Variants in EHBP1 observed in about 807,000 individuals in gnomAD.
The protein encoded by EHBP1 is EH domain binding protein 1, also known as EH domain-binding protein 1.
In EHBP1, 55 loss-of-function variants were observed where a neutral mutation model predicts 144.0. That is an observed-to-expected ratio of 0.38 (90% CI 0.31 to 0.48). The LOEUF (loss-of-function observed/expected upper bound fraction) is 0.48, where lower values mean the gene tolerates loss of function less well. EHBP1 is among the 20% of genes least tolerant of loss of function. The pLI, the probability that EHBP1 is intolerant of heterozygous loss-of-function variation, is 0.98. For missense variants in EHBP1, 1,200 were observed against 1,364.2 expected (o/e 0.88, Z 1.90); for synonymous variants, 469 against 472.7 (o/e 0.99, Z 0.10).
In EHBP1 at chr2:62,694,158, T is replaced by C. The variant is rs577836005; in HGVS notation, c.-295-12739T>C. On this transcript the variant is annotated intron_variant, in intron 1 of 22. Transcript: ENST00000405015. ...ACATTAAAGAAATTATTGCAAGTCA[T>C]GGGTATCACTCCTTAAGGGCGTTCT... Among the ~76,000 whole-genome samples, 40 of 152,360 alleles carry C rather than the reference T, an allele frequency of 2.6e-4. 1 individual carries two copies. The South Asian group carries it at 7.7e-3, about 29-fold the overall frequency.
chr2:62,822,455 A>T (rs1467669093), intron 5 of EHBP1, among the ~76,000 whole-genome samples: 8 of 152,192 alleles, frequency 5.3e-5, no homozygotes, highest in Admixed American at 5.2e-4. Flanking sequence ...TATTAGTGTA[A>T]TGAACCAGGT....
chr2:62,680,334 G>A (rs1015061202), intron 1 of EHBP1, among the ~76,000 whole-genome samples: 1 of 152,174 alleles, frequency 6.6e-6, no homozygotes, highest in Non-Finnish European at 1.5e-5. Context: ...TGAATCTAAA[G>A]ATAAGTGAAT....
chr2:62,839,708 A>C (rs1194601954), intron 7 of EHBP1, among the ~76,000 whole-genome samples: 1 of 152,154 alleles, frequency 6.6e-6, no homozygotes, highest in Non-Finnish European at 1.5e-5. Context: ...ACAGACAGAG[A>C]GCCAAATCAT....
At chr2:63,005,813 A>G (rs1482662764) in intron 19 of EHBP1, among the ~76,000 whole-genome samples, 4 of 152,032 alleles carry the variant, frequency 2.6e-5, no homozygotes, top group Admixed American at 6.6e-5. Flanking sequence ...AACAATCACT[A>G]TGTATTAATT....
At chr2:63,040,459 A>T (rs1455415370) in intron 21 of EHBP1, among the ~76,000 whole-genome samples, 3 of 152,160 alleles carry the variant, frequency 2.0e-5, no homozygotes, top group Non-Finnish European at 2.9e-5. Context: ...CCTATATACC[A>T]GATTTACAGT....
intron 10 of EHBP1, among the ~76,000 whole-genome samples, chr2:62,914,475 A>C (rs933529451): frequency 2.0e-5 from 3 of 152,204 alleles, no homozygotes; most frequent in Admixed American, 2.0e-4. Context: ...TCAAATGTTA[A>C]ACTGAATTGA....
At chr2:62,809,118 C>G (rs1179761120) in intron 5 of EHBP1, among the ~76,000 whole-genome samples, 1 of 151,920 alleles carries the variant, frequency 6.6e-6, no homozygotes. Context: ...TGGTGAAACC[C>G]TGTCTCTATT....
At chr2:62,945,664 C>T (rs1040130038) in intron 12 of EHBP1, among the ~76,000 whole-genome samples, 1 of 152,038 alleles carries the variant, frequency 6.6e-6, no homozygotes, top group African/African-American at 2.4e-5. Flanking sequence ...GTGGGAGAAT[C>T]GCTGGAGCCT....
intron 7 of EHBP1, among the ~76,000 whole-genome samples, chr2:62,856,406 A>G (rs1016085875): frequency 1.3e-5 from 2 of 152,152 alleles, no homozygotes; most frequent in African/African-American, 2.4e-5. Context: ...CACCTGGTCT[A>G]CCTGCAGCCT....
At chr2:63,008,622 C>T (rs1243037116) in intron 19 of EHBP1, among the ~76,000 whole-genome samples, 34 of 133,984 alleles carry the variant, frequency 2.5e-4, no homozygotes, top group East Asian at 4.4e-4. Context: ...GTTTTTTTTT[C>T]TTTTTTTTTT....
intron 4 of EHBP1, among the ~76,000 whole-genome samples, chr2:62,768,457 G>A (rs1489271479): frequency 2.0e-5 from 3 of 152,144 alleles, no homozygotes; most frequent in East Asian, 3.8e-4. Context: ...CCTCCCAAGA[G>A]TGAACCAGGA....
At chr2:62,807,256 A>G (rs901571357) in intron 5 of EHBP1, among the ~76,000 whole-genome samples, 1 of 152,236 alleles carries the variant, frequency 6.6e-6, no homozygotes, top group African/African-American at 2.4e-5. Context: ...AGTTAAGAAT[A>G]AGAAAAAATG....
At chr2:62,691,708 C>G (rs2033911573) in intron 1 of EHBP1, among the ~76,000 whole-genome samples, 1 of 152,126 alleles carries the variant, frequency 6.6e-6, no homozygotes, top group South Asian at 2.1e-4. Context: ...TGACTTGTCC[C>G]AGGCTGCAGG....
chr2:62,964,808 T>G (rs957204391), intron 14 of EHBP1, among the ~76,000 whole-genome samples: 14 of 152,232 alleles, frequency 9.2e-5, no homozygotes, highest in African/African-American at 3.4e-4. Flanking sequence ...TCCTTGGCAA[T>G]GTAAACCACA....
At chr2:63,022,299 TTCCTCC>T (rs1037080351) in intron 19 of EHBP1, among the ~76,000 whole-genome samples, 5 of 151,820 alleles carry the variant, frequency 3.3e-5, no homozygotes, top group Non-Finnish European at 5.9e-5. Flanking sequence ...TCTTTCCTCC[TTCCTCC>T]TCCTCCTCCT....
intron 10 of EHBP1, among the ~76,000 whole-genome samples, chr2:62,906,634 A>T (rs2053833165): frequency 6.6e-6 from 1 of 152,320 alleles, no homozygotes; most frequent in East Asian, 1.9e-4. Context: ...ATACAAAGAG[A>T]TCCCATGTGT....
chr2:62,941,168 C>T (rs960216447), intron 10 of EHBP1, among the ~76,000 whole-genome samples: 2 of 152,094 alleles, frequency 1.3e-5, no homozygotes, highest in African/African-American at 4.8e-5. Context: ...TAGTTCAGTG[C>T]TCCCCTAACT....
At position 63,004,414 on chromosome 2, in the gene EHBP1, C is replaced by T. The variant is rs975620375; in HGVS notation, c.3103+7648C>T. ...AAGATAGGGCATATGGGAAGGTCCT[C>T]TTCTCTATCATGATCCTTTTTTCCC... On this transcript the variant is annotated intron_variant, in intron 19 of 22. Coordinates refer to ENST00000431489, the MANE Select transcript of EHBP1 (RefSeq NM_001142616.3). Among the ~76,000 whole-genome samples, 3 of 152,022 alleles carry T rather than the reference C, an allele frequency of 2.0e-5. No individual in the cohort carries two copies. The East Asian group carries it at 5.8e-4, about 29-fold the overall frequency.
rs2050721398 is a variant in EHBP1 at position 62,874,421 on chromosome 2, T to C, written c.1074T>C (p.Thr358=). ...TAAATCCTGTTCAAGAACTAGAAAC[T>C]GAAAGGCGAGTGAAAAGAAAGGCCC... is the stretch of plus-strand genomic sequence containing the variant. ...NLVNPVQELE[T]ERRVKRKAPA... The change falls in exon 10 of 23, where the codon ACT becomes ACC. Residue 358 remains threonine, a synonymous_variant. Coordinates refer to ENST00000431489, the MANE Select transcript of EHBP1 (RefSeq NM_001142616.3). The C allele has an allele frequency of 1.2e-6, 2 of 1,613,554 alleles. No individual in the cohort carries two copies.
Sources: gnomAD v4.1 joint callset for allele counts (sites outside exome capture counted in the v4.1 genomes callset) on GRCh38, gnomAD v4.1.1 for gene constraint, MANE v1.5 for transcripts, NCBI Gene and HGNC (gene_info 2026-07-23, HGNC 2026-07-21) for gene names.